The following PHF21B variants were observed in gnomAD, a reference collection of about 807,000 sequenced individuals.
The protein encoded by PHF21B is PHD finger protein 21B.
In PHF21B, 22 loss-of-function variants were observed where a neutral mutation model predicts 62.2. The ratio of observed to expected loss-of-function variants is 0.35; its 90% CI spans 0.25 to 0.51. The LOEUF is 0.51. PHF21B is among the 20% of genes least tolerant of loss of function. The pLI is 0.97. For missense variants in PHF21B, 701 were observed against 707.9 expected, an observed-to-expected ratio of 0.99 and a Z score of 0.11; for synonymous variants, 341 against 314.7, an observed-to-expected ratio of 1.08 and a Z score of -0.88.
chr22:44,897,722 T>C (rs147319605), intron 5 of PHF21B, among the ~76,000 whole-genome samples: 1 of 152,344 alleles, frequency 6.6e-6, no homozygotes, highest in African/African-American at 2.4e-5. Context: ...GGAGTTCCTG[T>C]ATACCCCACA....
rs746192670 is a variant in PHF21B, at chr22:45,008,602, G to A, written c.63C>T (p.Asp21=). 3 of 1,588,478 alleles carry A rather than the reference G, an allele frequency of 1.9e-6. No homozygotes were observed. In the East Asian group the frequency reaches 6.9e-5, roughly 36 times the overall value. The part of the protein sequence containing the change: ...AVELARHQNG[D]LKKQLHERQP... ...GCCTTTCGTGGAGCTGCTTCTTGAG[G>A]TCGCCGTTCTGCGGAAACACGGAGG... is the stretch of plus-strand genomic sequence containing the variant. The change falls in exon 2 of 13, where the codon GAC becomes GAT. Residue 21 remains aspartate, a synonymous_variant. Transcript: ENST00000313237.
chr22:45,004,010 C>T (rs533528634), intron 2 of PHF21B, among the ~76,000 whole-genome samples: 6 of 152,150 alleles, frequency 3.9e-5, no homozygotes, highest in Admixed American at 2.0e-4. Context: ...TAGTATGATT[C>T]CATTCATACG....
chr22:44,920,656 T>C (rs1234943172), intron 2 of PHF21B, among the ~76,000 whole-genome samples, 166 bp from the exon 3 acceptor site: 2 of 152,350 alleles, frequency 1.3e-5, no homozygotes, highest in Non-Finnish European at 2.9e-5. Flanking sequence ...TCGATATTCC[T>C]TCCAGAAAGT....
At chr22:44,947,960 A>G (rs980515893) in intron 2 of PHF21B, among the ~76,000 whole-genome samples, 5 of 59,106 alleles carry the variant, frequency 8.5e-5, no homozygotes, top group African/African-American at 2.2e-4. Flanking sequence ...TCCAGAGCAC[A>G]GGGCGCCAGA....
intron 2 of PHF21B, among the ~76,000 whole-genome samples, chr22:44,991,075 G>A (rs145509943): frequency 1.8e-3 from 271 of 152,294 alleles, no homozygotes; most frequent in Non-Finnish European, 3.0e-3. Context: ...GCCGTCCATC[G>A]GGCAGGGCAG....
intron 5 of PHF21B, among the ~76,000 whole-genome samples, chr22:44,911,733 G>A (rs1228437779): frequency 6.6e-6 from 1 of 152,206 alleles, no homozygotes; most frequent in Non-Finnish European, 1.5e-5. Context: ...CTCTGCTAGG[G>A]CAGTGCAGAA....
rs753150124 is a variant in PHF21B, at chr22:44,996,731, AACAC to A, written c.120+11810_120+11813del. Among the ~76,000 whole-genome samples, 76 of 151,990 alleles carry A rather than the reference AACAC, an allele frequency of 5.0e-4. 1 individual carries two copies. The highest frequency in any genetic ancestry group is 1.3e-3 in the Admixed American group (20 of 15,268). On this transcript the variant is annotated intron_variant, in intron 2 of 12. Transcript: ENST00000313237. The stretch of plus-strand genomic sequence containing the variant: ...ATGCAGACATATACACATGCATGCA[AACAC>A]ACACAAACACCCACATGCACACACG...
At chr22:44,901,624 C>T (rs2071160810) in intron 5 of PHF21B, 1 of 435,818 alleles carries the variant, frequency 2.3e-6, no homozygotes, top group Non-Finnish European at 3.8e-6. Flanking sequence ...GGAGAAGAAA[C>T]CCGAAGCCAA....
intron 2 of PHF21B, among the ~76,000 whole-genome samples, chr22:44,929,323 G>A (rs1158294107): frequency 2.0e-5 from 3 of 152,218 alleles, no homozygotes; most frequent in African/African-American, 7.2e-5. Flanking sequence ...AATGTGCTTA[G>A]GCTTGGCCTT....
chr22:45,000,482 C>T (rs1052182965), intron 2 of PHF21B: 5 of 152,084 alleles, frequency 3.3e-5, no homozygotes, highest in Admixed American at 2.0e-4. Context: ...GAGACAAAGG[C>T]GTTGGAGGAA....
chr22:44,927,288 A>C (rs907060071), intron 2 of PHF21B, among the ~76,000 whole-genome samples: 1 of 151,904 alleles, frequency 6.6e-6, no homozygotes, highest in Non-Finnish European at 1.5e-5. Context: ...TGTCCCCCCA[A>C]AACTCCAAAC....
intron 2 of PHF21B, among the ~76,000 whole-genome samples, chr22:44,937,965 A>G (rs1006244713): frequency 6.6e-6 from 1 of 152,270 alleles, no homozygotes. Flanking sequence ...CAAATGCTCT[A>G]TTTTGGAGTA....
intron 2 of PHF21B, among the ~76,000 whole-genome samples, chr22:44,925,745 A>G (rs1376085362): frequency 6.6e-6 from 1 of 151,804 alleles, no homozygotes; most frequent in Non-Finnish European, 1.5e-5. Flanking sequence ...CGCCTCCCCT[A>G]ATGCATGTCT....
In PHF21B at chr22:44,920,097, C is replaced by A. The variant is rs114659570; in HGVS notation, c.213+301G>T. ...GAAACAAGTTGGTCAAGAAACAATGCATAGGATGCATATCTTGATATTTCC... is the reference window on the plus strand; with the variant it reads ...GAAACAAGTTGGTCAAGAAACAATGAATAGGATGCATATCTTGATATTTCC... On this transcript the variant is annotated intron_variant, in intron 3 of 12. Transcript: ENST00000313237. Among the ~76,000 whole-genome samples the A allele has an allele frequency of 9.4e-3, 1,439 of 152,336 alleles. 26 individuals carry two copies. Among genetic ancestry groups the A allele is most frequent in the African/African-American group, 0.033 (1,363 of 41,578 alleles).
At chr22:44,977,932 C>T (rs932887074) in intron 2 of PHF21B, among the ~76,000 whole-genome samples, 1 of 152,116 alleles carries the variant, frequency 6.6e-6, no homozygotes, top group African/African-American at 2.4e-5. Flanking sequence ...AAGTTTTCTT[C>T]TGCAACTTTT....
At chr22:44,897,224 C>A (rs2071076996) in intron 5 of PHF21B, among the ~76,000 whole-genome samples, 1 of 152,052 alleles carries the variant, frequency 6.6e-6, no homozygotes, top group Non-Finnish European at 1.5e-5. Flanking sequence ...GTCTACAGAG[C>A]TCACTAGGGC....
chr22:44,964,184 G>A (rs77094924), intron 2 of PHF21B, among the ~76,000 whole-genome samples: 1 of 152,198 alleles, frequency 6.6e-6, no homozygotes, highest in African/African-American at 2.4e-5. Context: ...AAACACAGAG[G>A]ATTCAATATA....
intron 2 of PHF21B, among the ~76,000 whole-genome samples, chr22:44,999,787 C>T (rs978425208): frequency 2.6e-5 from 4 of 152,080 alleles, no homozygotes; most frequent in Admixed American, 1.3e-4. Context: ...GTGATCTCAA[C>T]AAGGCCCCCA....
chr22:44,932,971 G>A (rs1339729441), intron 2 of PHF21B, among the ~76,000 whole-genome samples: 1 of 152,236 alleles, frequency 6.6e-6, no homozygotes, highest in Non-Finnish European at 1.5e-5. Flanking sequence ...CCCTAGAGGT[G>A]CCCACAAGCC....
Sources: allele counts gnomAD v4.1 joint callset (sites outside exome capture counted in the v4.1 genomes callset), GRCh38; gene constraint gnomAD v4.1.1; transcripts MANE v1.5; gene names NCBI Gene and HGNC (gene_info 2026-07-23, HGNC 2026-07-21).